COL3A1: variants seen among roughly 807,000 people sequenced by gnomAD.
The protein encoded by COL3A1 is collagen type III alpha 1 chain, also known as collagen alpha-1(III) chain.
COL3A1 carries 46 observed loss-of-function variants against 200.9 expected under a neutral mutation model. That is an observed-to-expected ratio of 0.23 (90% CI 0.18 to 0.29). The LOEUF is 0.29. Among genes scored for constraint, COL3A1 ranks in the 10% least tolerant of loss-of-function variants. COL3A1 has a pLI of 1.00. For missense variants in COL3A1, 1,367 were observed against 1,917.6 expected (o/e 0.71, Z 5.36); for synonymous variants, 650 against 628.0 (o/e 1.03, Z -0.52).
At chr2:189,007,795 A>T in intron 45 of COL3A1, 90 bp from the exon 46 acceptor site, 1 of 1,493,762 alleles carries the variant, frequency 6.7e-7, no homozygotes, top group Non-Finnish European at 9.3e-7. Context: ...TTTCATCATG[A>T]TCCCCATGTT....
intron 5 of COL3A1, 128 bp from the exon 6 acceptor site, chr2:188,987,952 CA>C (rs1490833744): frequency 2.7e-6 from 2 of 735,350 alleles, no homozygotes; most frequent in Non-Finnish European, 4.9e-6. Flanking sequence ...GAATAGTTAT[CA>C]AAAAGTTATC....
chr2:188,990,208 T>TA, intron 9 of COL3A1, 59 bp downstream of exon 9: 1 of 1,589,902 alleles, frequency 6.3e-7, no homozygotes, highest in Non-Finnish European at 8.6e-7. Context: ...AACTATTATG[T>TA]AATTCAATGG....
intron 40 of COL3A1, among the ~76,000 whole-genome samples, chr2:189,004,789 T>C (rs1257888132): frequency 2.0e-5 from 3 of 152,214 alleles, no homozygotes; most frequent in Non-Finnish European, 4.4e-5. Context: ...TATATTCCTA[T>C]AACATTCTAG....
At chr2:189,010,114 C>G in intron 48 of COL3A1, 64 bp from the exon 49 acceptor site, 1 of 1,528,026 alleles carries the variant, frequency 6.5e-7, no homozygotes, top group South Asian at 1.1e-5. Flanking sequence ...TACAGGTAAA[C>G]AAACAAAATC....
intron 1 of COL3A1, among the ~76,000 whole-genome samples, chr2:188,977,899 C>G (rs185122603): frequency 2.6e-5 from 4 of 152,002 alleles, no homozygotes; most frequent in Non-Finnish European, 4.4e-5. Flanking sequence ...TTTTTTTAAA[C>G]CCCAGAAGCT....
intron 41 of COL3A1, 27 bp downstream of exon 41, chr2:189,005,484 C>A: frequency 6.4e-7 from 1 of 1,561,006 alleles, no homozygotes; most frequent in Non-Finnish European, 8.8e-7. Flanking sequence ...ATTCAACCAG[C>A]CAGGTAGAAT....
chr2:188,990,456 G>T, intron 10 of COL3A1, 96 bp downstream of exon 10: 1 of 953,616 alleles, frequency 1.0e-6, no homozygotes, highest in South Asian at 1.4e-5. Flanking sequence ...CAAAAAATAT[G>T]ATTCTGACAA....
At chr2:189,003,348 A>T in intron 36 of COL3A1, 63 bp from the exon 37 acceptor site, 2 of 1,462,854 alleles carry the variant, frequency 1.4e-6, no homozygotes, top group Non-Finnish European at 1.9e-6. Flanking sequence ...TCAAAGGCTT[A>T]ATGCTTTTCC....
chr2:189,001,693 A>T (rs1278801838), intron 34 of COL3A1, 104 bp downstream of exon 34: 2 of 1,109,778 alleles, frequency 1.8e-6, no homozygotes, highest in South Asian at 2.5e-5. Context: ...CTGAGCCTCA[A>T]TTTGGAGATA....
Position 188,990,993 on chromosome 2 carries a change from A to G in COL3A1, c.799-11A>G, listed in dbSNP as rs200148262. 2 of 1,612,598 alleles carry G rather than the reference A, an allele frequency of 1.2e-6. No homozygotes were observed. The highest frequency in any genetic ancestry group is 3.3e-5 in the Admixed American group (2 of 59,992). On this transcript the variant is annotated splice_polypyrimidine_tract_variant and intron_variant, in intron 10 of 50. Coordinates refer to ENST00000304636, the MANE Select transcript of COL3A1 (RefSeq NM_000090.4). The stretch of plus-strand genomic sequence containing the variant: ...ATTTTAATAATTTTGCTGGTTTTAT[A>G]CATTTCCTAGGGCTTCGATGGACGA...
At chr2:188,996,212 C>A (rs1416887877) in intron 23 of COL3A1, 34 bp downstream of exon 23, 4 of 1,587,278 alleles carry the variant, frequency 2.5e-6, no homozygotes, top group Non-Finnish European at 3.5e-6. Flanking sequence ...TTTTAAAAGG[C>A]CAGTTAAAAT....
rs780782537 is a variant in COL3A1, at chr2:189,008,021, T to A, written c.3418-14T>A. 6.2e-7 allele frequency: 1 copy of A among 1,614,064 alleles called. No individual in the cohort carries two copies. Among genetic ancestry groups the A allele is most frequent in the South Asian group, 1.1e-5 (1 of 91,072 alleles). On this transcript the variant is annotated splice_polypyrimidine_tract_variant and intron_variant, in intron 46 of 50. Coordinates refer to ENST00000304636, the MANE Select transcript of COL3A1 (RefSeq NM_000090.4). ...AAGATATTCTGGCATTGTGATGTCATGATACTTTCTTAGGGACCTGTTGGA... is the reference window on the plus strand; with the variant it reads ...AAGATATTCTGGCATTGTGATGTCAAGATACTTTCTTAGGGACCTGTTGGA...
At chr2:189,011,021 C>A in intron 50 of COL3A1, 131 bp downstream of exon 50, 1 of 1,182,376 alleles carries the variant, frequency 8.5e-7, no homozygotes, top group Non-Finnish European at 1.2e-6. Flanking sequence ...GAATTACATA[C>A]ATTGCATCTA....
intron 44 of COL3A1, 85 bp downstream of exon 44, chr2:189,007,075 C>T (rs1688602275): frequency 1.3e-5 from 9 of 685,800 alleles, no homozygotes; most frequent in African/African-American, 2.3e-5. Context: ...TATTTTCCAG[C>T]GTGTTCAGGA....
intron 16 of COL3A1, 49 bp from the exon 17 acceptor site, chr2:188,993,988 CG>C (rs1392469243): frequency 6.5e-7 from 1 of 1,544,156 alleles, no homozygotes; most frequent in Non-Finnish European, 8.9e-7. Context: ...CAAATATATA[CG>C]AACTATTTGC....
chr2:188,993,031 A>T, intron 15 of COL3A1, 91 bp downstream of exon 15: 1 of 1,159,476 alleles, frequency 8.6e-7, no homozygotes, highest in Non-Finnish European at 1.3e-6. Context: ...TTTTTTAATC[A>T]GTCAAATGGA....
intron 8 of COL3A1, 70 bp from the exon 9 acceptor site, chr2:188,990,026 A>G: frequency 7.1e-7 from 1 of 1,409,826 alleles, no homozygotes; most frequent in Admixed American, 1.7e-5. Flanking sequence ...CAAAGTAACC[A>G]TTTTGCTTAT....
At chr2:188,998,129 A>ACGTAT in intron 27 of COL3A1, 137 bp from the exon 28 acceptor site, 1 of 756,088 alleles carries the variant, frequency 1.3e-6, no homozygotes, top group Non-Finnish European at 2.3e-6. Flanking sequence ...CTGGATTTTG[A>ACGTAT]GTGGCACAAC....
Position 188,974,572 on chromosome 2 carries a change from A to C in COL3A1, c.79+4A>C. On this transcript the variant is annotated splice_donor_region_variant and intron_variant, in intron 1 of 50. Coordinates refer to ENST00000304636, the MANE Select transcript of COL3A1 (RefSeq NM_000090.4). ...ATTATTTTGGCACAACAGGAAGGTG[A>C]GTAGGTACTGATTTCAAGAAACTTT... is the stretch of plus-strand genomic sequence containing the variant. 1 of 1,612,366 alleles carries C rather than the reference A, an allele frequency of 6.2e-7. No individual in the cohort carries two copies. The highest frequency in any genetic ancestry group is 8.5e-7 in the Non-Finnish European group (1 of 1,178,358).
Sources: allele counts gnomAD v4.1 joint callset (sites outside exome capture counted in the v4.1 genomes callset), GRCh38; gene constraint gnomAD v4.1.1; transcripts MANE v1.5; gene names NCBI Gene and HGNC (gene_info 2026-07-23, HGNC 2026-07-21).